The following C20orf203 variants were observed in gnomAD, a reference collection of about 807,000 sequenced individuals.
C20orf203 encodes the protein chromosome 20 open reading frame 203, also known as uncharacterized protein C20orf203.
In C20orf203, 16 loss-of-function variants were observed where a neutral mutation model predicts 15.9. The ratio of observed to expected loss-of-function variants is 1.01; its 90% CI spans 0.68 to 1.53. The LOEUF is 1.53. Among genes scored for constraint, C20orf203 ranks in the 40% most tolerant of loss-of-function variants. The pLI, the probability that C20orf203 is intolerant of heterozygous loss-of-function variation, is 0.00. For synonymous variants in C20orf203, 98 were observed against 97.2 expected (o/e 1.01, Z -0.05); for missense variants, 263 against 247.5 (o/e 1.06, Z -0.42).
chr20:32,640,001 C>T (rs984762286), intron 5 of C20orf203, among the ~76,000 whole-genome samples: 1 of 152,110 alleles, frequency 6.6e-6, no homozygotes, highest in Non-Finnish European at 1.5e-5. Flanking sequence ...GGAGGTGGGT[C>T]CTCGGTTACC....
In C20orf203 at chr20:32,641,380, A is replaced by G. The variant is rs191544000; in HGVS notation, c.*1178-693T>C. Reference sequence around the variant, plus strand: ...GAAGAAAGAAACAGACATTCAGGACAACTGGGCTGTTTTCACGTTTTGGCT... The same window carrying G: ...GAAGAAAGAAACAGACATTCAGGACGACTGGGCTGTTTTCACGTTTTGGCT... On this transcript the variant is annotated intron_variant, in intron 4 of 5. Transcript: ENST00000608990. 1.4e-3 allele frequency among the ~76,000 whole-genome samples: 215 copies of G among 152,036 alleles called. 1 individual carries two copies. The highest frequency in any genetic ancestry group is 5.0e-3 in the African/African-American group (206 of 41,504).
In C20orf203 at chr20:32,650,355, C is replaced by G; in HGVS notation, c.*77G>C. 9.5e-7 allele frequency: 1 copy of G among 1,056,872 alleles called. No homozygotes were observed. Among genetic ancestry groups the G allele is most frequent in the Non-Finnish European group, 1.4e-6 (1 of 718,330 alleles). The allele number at this position is 1,056,872 out of a possible 1,614,324, so 65.5% of individuals were successfully genotyped here. ...GCAGAATGATTGTGGGGGGTGGTAA[C>G]AGGGGACACCCTGAGGTGGTGGTGG... On this transcript the variant is annotated 3_prime_UTR_variant, in exon 4 of 6. Coordinates refer to ENST00000608990, the MANE Select transcript of C20orf203 (RefSeq NM_182584.4).
At chr20:32,665,010 T>C (rs980712542) in intron 1 of C20orf203, among the ~76,000 whole-genome samples, 2 of 152,208 alleles carry the variant, frequency 1.3e-5, no homozygotes, top group African/African-American at 4.8e-5. Flanking sequence ...GCACTAGTGT[T>C]TACCCAGGAC....
chr20:32,633,961 C>G lies in C20orf203; in HGVS notation c.*1609G>C, dbSNP rs1228861362. On this transcript the variant is annotated 3_prime_UTR_variant, in exon 6 of 6. Transcript: ENST00000608990. ...TGCCTGAGCTTCAGCTTCCCCACTC[C>G]GGACTGTTTCATGCGTTCATTCATG... 5 of 398,598 alleles carry G rather than the reference C, an allele frequency of 1.3e-5. No individual in the cohort carries two copies. The highest frequency in any genetic ancestry group is 2.2e-5 in the Non-Finnish European group (5 of 226,128). The allele number at this position is 398,598 out of a possible 1,614,324, so 24.7% of individuals were successfully genotyped here.
rs56325748 is a variant in C20orf203 at position 32,643,625 on chromosome 20, CCACACACACACACACACA to C, written c.*1178-2956_*1178-2939del. Reference sequence around the variant, plus strand: ...GTGTAGACCCAGCCGCTTCCTGGAACCACACACACACACACACACACACACACACACACACACACACAC... The same window carrying C: ...GTGTAGACCCAGCCGCTTCCTGGAACCACACACACACACACACACACACAC... On this transcript the variant is annotated intron_variant, in intron 4 of 5. Transcript: ENST00000608990. 4.7e-3 allele frequency among the ~76,000 whole-genome samples: 669 copies of C among 140,844 alleles called. 3 individuals are homozygous for C. The highest frequency in any genetic ancestry group is 0.014 in the Middle Eastern group (4 of 284). The allele number at this position is 140,844 out of a possible 152,430, so 92.4% of individuals were successfully genotyped here.
intron 5 of C20orf203, among the ~76,000 whole-genome samples, chr20:32,637,515 G>A (rs929473488): frequency 3.3e-5 from 5 of 152,142 alleles, no homozygotes; most frequent in African/African-American, 1.2e-4. Context: ...TCCTCCATGA[G>A]GCCTTCCCTG....
At chr20:32,637,618 T>C (rs1363296261) in intron 5 of C20orf203, among the ~76,000 whole-genome samples, 1 of 152,200 alleles carries the variant, frequency 6.6e-6, no homozygotes, top group Non-Finnish European at 1.5e-5. Context: ...CCATGTCATT[T>C]GTTCACTTTC....
chr20:32,671,786 C>G (rs527323256), intron 1 of C20orf203, among the ~76,000 whole-genome samples: 1 of 143,260 alleles, frequency 7.0e-6, no homozygotes, highest in South Asian at 2.2e-4. Context: ...TTAAGGTGAG[C>G]CGAGATCGTG....
At chr20:32,659,346 G>C (rs1346716959) in intron 1 of C20orf203, among the ~76,000 whole-genome samples, 4 of 152,222 alleles carry the variant, frequency 2.6e-5, no homozygotes, top group Non-Finnish European at 4.4e-5. Context: ...CCTGGGGCTA[G>C]GGGCAGGTTC....
At position 32,650,207 on chromosome 20, in the gene C20orf203, G is replaced by C; in HGVS notation, c.*225C>G. The stretch of plus-strand genomic sequence containing the variant: ...ATGTCCGGCCGGGGTTCTACCCAGA[G>C]CCAGCCTGGCACAGCCTCGGTCCCT... On this transcript the variant is annotated 3_prime_UTR_variant, in exon 4 of 6. Transcript: ENST00000608990. The C allele has an allele frequency of 1.8e-6, 1 of 550,170 alleles. No individual in the cohort carries two copies. Among genetic ancestry groups the C allele is most frequent in the Non-Finnish European group, 3.3e-6 (1 of 306,896 alleles). The allele number at this position is 550,170 out of a possible 1,614,324, so 34.1% of individuals were successfully genotyped here. A position where few individuals can be genotyped will look rare whatever the true frequency, so the allele number is the denominator to read the frequency against.
intron 4 of C20orf203, among the ~76,000 whole-genome samples, chr20:32,643,625 C>CCACACACACACACA (rs56325748): frequency 1.4e-5 from 2 of 140,742 alleles, no homozygotes; most frequent in Non-Finnish European, 3.1e-5. Context: ...CTTCCTGGAA[C>CCACACACACACACA]CACACACACA....
intron 1 of C20orf203, among the ~76,000 whole-genome samples, chr20:32,666,908 C>T (rs887784587): frequency 6.8e-6 from 1 of 148,042 alleles, no homozygotes; most frequent in East Asian, 2.0e-4. Context: ...CTCGGCCTCT[C>T]AAAGTGCTGG....
chr20:32,641,864 G>A (rs1982290765), intron 4 of C20orf203, among the ~76,000 whole-genome samples: 1 of 152,120 alleles, frequency 6.6e-6, no homozygotes, highest in Non-Finnish European at 1.5e-5. Flanking sequence ...TTGAGACAGA[G>A]TCTCACTCTG....
At chr20:32,670,594 G>A (rs1983141945) in intron 1 of C20orf203, among the ~76,000 whole-genome samples, 1 of 152,120 alleles carries the variant, frequency 6.6e-6, no homozygotes, top group Non-Finnish European at 1.5e-5. Flanking sequence ...AGCACTTTGG[G>A]AAGCCGAGGT....
rs371055563 is a variant in C20orf203, at chr20:32,635,201, A to G, written c.*1300-931T>C. ...AGAGTGAGACCGTGTCTCAAAATAAATAAATAAATAAAAATGGGCCAGACA... is the reference window on the plus strand; with the variant it reads ...AGAGTGAGACCGTGTCTCAAAATAAGTAAATAAATAAAAATGGGCCAGACA... On this transcript the variant is annotated intron_variant, in intron 5 of 5. Coordinates refer to ENST00000608990, the MANE Select transcript of C20orf203 (RefSeq NM_182584.4). Among the ~76,000 whole-genome samples the G allele has an allele frequency of 2.0e-3, 302 of 151,196 alleles. 2 individuals are homozygous for G. Among genetic ancestry groups the G allele is most frequent in the African/African-American group, 7.1e-3 (292 of 41,084 alleles).
intron 4 of C20orf203, among the ~76,000 whole-genome samples, chr20:32,648,257 C>T (rs1457691461): frequency 6.6e-6 from 1 of 151,974 alleles, no homozygotes; most frequent in East Asian, 1.9e-4. Flanking sequence ...GGCCTTTGCA[C>T]TCCCCATTCC....
chr20:32,671,295 A>G (rs1237371317), intron 1 of C20orf203, among the ~76,000 whole-genome samples: 2 of 152,250 alleles, frequency 1.3e-5, no homozygotes, highest in African/African-American at 4.8e-5. Context: ...GTCCATCCAC[A>G]GATGAATGGA....
intron 1 of C20orf203, among the ~76,000 whole-genome samples, chr20:32,670,768 G>A (rs917665268): frequency 6.6e-6 from 1 of 152,020 alleles, no homozygotes; most frequent in African/African-American, 2.4e-5. Flanking sequence ...GGAGGCAGAG[G>A]TTGCAGTGAG....
rs1982335491 is a variant in C20orf203, at chr20:32,643,376, C to A, written c.*1178-2689G>T. On this transcript the variant is annotated intron_variant, in intron 4 of 5. Transcript: ENST00000608990. ...ATAGAGGTAAAATGCCAGTTAAAAT[C>A]TCAGCCTTAAAATAAAGCCCAGAGC... 2.6e-5 allele frequency among the ~76,000 whole-genome samples: 4 copies of A among 152,140 alleles called. No individual in the cohort carries two copies. In the South Asian group the frequency reaches 8.3e-4, roughly 32 times the overall value.
Sources: gnomAD v4.1 joint callset for allele counts (sites outside exome capture counted in the v4.1 genomes callset) on GRCh38, gnomAD v4.1.1 for gene constraint, MANE v1.5 for transcripts, NCBI Gene and HGNC (gene_info 2026-07-23, HGNC 2026-07-21) for gene names.